Variants in GHDC observed in about 807,000 individuals in gnomAD.
The protein encoded by GHDC is GH3 domain containing, also known as GH3 domain-containing protein.
Under a neutral mutation model 51.5 loss-of-function variants are expected in GHDC, and 39 were observed. That is an observed-to-expected ratio of 0.76 (90% CI 0.59 to 0.99). The LOEUF is 0.99. Among genes scored for constraint, GHDC ranks in the 50% least tolerant of loss-of-function variants. The probability of loss-of-function intolerance (pLI) is 0.00; values close to 1 mark genes in which losing one functional copy is unlikely to be tolerated. For missense variants in GHDC, 610 were observed against 672.8 expected (o/e 0.91, Z 1.03); for synonymous variants, 282 against 305.2 (o/e 0.92, Z 0.79).
In GHDC at chr17:42,193,587, A is replaced by G; in HGVS notation, c.-6T>C. 13 of 1,532,442 alleles carry G rather than the reference A, an allele frequency of 8.5e-6. No individual in the cohort carries two copies. The highest frequency in any genetic ancestry group is 1.2e-5 in the South Asian group (1 of 83,740). The allele number at this position is 1,532,442 out of a possible 1,614,324, so 94.9% of individuals were successfully genotyped here. On this transcript the variant is annotated 5_prime_UTR_variant, in exon 3 of 10. Coordinates refer to ENST00000587427, the MANE Select transcript of GHDC (RefSeq NM_032484.5). ...AGCAGTGGCCACAGCAGCATCTCCA[A>G]GCAGCTCCTGGGAAGAGGAAGGAAC...
intron 1 of GHDC, chr17:42,194,136 G>T (rs535939271): frequency 6.7e-6 from 1 of 150,242 alleles, no homozygotes; most frequent in Non-Finnish European, 1.5e-5. Context: ...AGCCAAGATC[G>T]TGCCACTGCA....
rs952758799 is a variant in GHDC, at chr17:42,193,977, G to A, written c.-97-127C>T. ...GCAGGAGAATCACTTGAGCCCAGGA[G>A]TTTGCAACCGGCCTGAGCAACATAG... On this transcript the variant is annotated intron_variant, in intron 1 of 9. Coordinates refer to ENST00000587427, the MANE Select transcript of GHDC (RefSeq NM_032484.5). The A allele has an allele frequency of 5.4e-5, 11 of 203,452 alleles. No homozygotes were observed. The South Asian group carries it at 1.0e-3, about 19-fold the overall frequency. The allele number at this position is 203,452 out of a possible 1,614,324, so 12.6% of individuals were successfully genotyped here.
Position 42,190,165 on chromosome 17 carries a change from C to A in GHDC, c.1374+20G>T. ...AGAGTGAAGGGGTCTACAGTCAGAC[C>A]CTGTCCTCGTCTCCTTTACCTTGTC... On this transcript the variant is annotated intron_variant, in intron 9 of 9. Transcript: ENST00000587427. 1 of 1,608,020 alleles carries A rather than the reference C, an allele frequency of 6.2e-7. No individual in the cohort carries two copies. The highest frequency in any genetic ancestry group is 1.7e-5 in the Admixed American group (1 of 59,662).
In GHDC at chr17:42,194,463, A is replaced by T. The variant is rs1216651937; in HGVS notation, c.-168T>A. 8 of 152,408 alleles carry T rather than the reference A, an allele frequency of 5.2e-5. No homozygotes were observed. The highest frequency in any genetic ancestry group is 1.2e-4 in the Non-Finnish European group (8 of 68,132). The allele number at this position is 152,408 out of a possible 1,614,324, so 9.4% of individuals were successfully genotyped here. A position where few individuals can be genotyped will look rare whatever the true frequency, so the allele number is the denominator to read the frequency against. ...CCTGGGTGACTCTGGGTCTCAGCAC[A>T]CATCCGGCCAGAAAGAAGGAGCGAT... is the stretch of plus-strand genomic sequence containing the variant. On this transcript the variant is annotated 5_prime_UTR_variant, in exon 1 of 10. Transcript: ENST00000587427.
In GHDC at chr17:42,189,624, G is replaced by A; in HGVS notation, c.*79C>T. 1 of 677,354 alleles carries A rather than the reference G, an allele frequency of 1.5e-6. No homozygotes were observed. 42.0% of individuals were successfully genotyped at this position (677,354 alleles called of 1,614,324 possible). On this transcript the variant is annotated 3_prime_UTR_variant, in exon 10 of 10. Transcript: ENST00000587427. ...CACAGAGTCAGAGACCCTGGCCAAGGACTCCCCATCCGGAGAGGTCCCAGA... is the reference window on the plus strand; with the variant it reads ...CACAGAGTCAGAGACCCTGGCCAAGAACTCCCCATCCGGAGAGGTCCCAGA...
intron 5 of GHDC, among the ~76,000 whole-genome samples, chr17:42,191,923 C>G (rs2079971744): frequency 6.6e-6 from 1 of 151,940 alleles, no homozygotes; most frequent in Non-Finnish European, 1.5e-5. Flanking sequence ...CCACCATACT[C>G]CGCTAGTTTT....
chr17:42,193,817 A>G lies in GHDC; in HGVS notation c.-64T>C. 1.7e-6 allele frequency: 1 copy of G among 581,540 alleles called. No homozygotes were observed. The highest frequency in any genetic ancestry group is 2.2e-5 in the South Asian group (1 of 44,676). 36.0% of individuals were successfully genotyped at this position (581,540 alleles called of 1,614,324 possible). ...CTTGTTAGCTGTAGGGCCCTGAGCAATTTAGTGGGCTGCACTGAGCTCTGT... is the reference window on the plus strand; with the variant it reads ...CTTGTTAGCTGTAGGGCCCTGAGCAGTTTAGTGGGCTGCACTGAGCTCTGT... On this transcript the variant is annotated 5_prime_UTR_variant, in exon 2 of 10. Coordinates refer to ENST00000587427, the MANE Select transcript of GHDC (RefSeq NM_032484.5).
At position 42,192,472 on chromosome 17, in the gene GHDC, G is replaced by C; in HGVS notation, c.658C>G (p.Leu220Val). ...TTCCCGGCAGCTATCGCCCCAGCTA[G>C]CTCTTCACCATCAGTCTCCAGGCCC... Reference protein sequence around the residue: ...FLGLETDGEELAGAIAAGNPG... With the variant: ...FLGLETDGEEVAGAIAAGNPG... The change falls in exon 5 of 10, where the codon CTA (leucine) becomes GTA (valine). Residue 220 changes from leucine (L) to valine (V), a missense_variant. This residue lies in a region of GHDC where 412 missense variants were observed against 410.4 expected (regional missense o/e 1.00). Coordinates refer to ENST00000587427, the MANE Select transcript of GHDC (RefSeq NM_032484.5). 1 of 1,613,732 alleles carries C rather than the reference G, an allele frequency of 6.2e-7. No individual in the cohort carries two copies. Among genetic ancestry groups the C allele is most frequent in the Non-Finnish European group, 8.5e-7 (1 of 1,180,034 alleles).
chr17:42,191,080 C>A lies in GHDC; in HGVS notation c.1020G>T (p.Leu340Phe). The A allele has an allele frequency of 6.3e-7, 1 of 1,581,072 alleles. No homozygotes were observed. Among genetic ancestry groups the A allele is most frequent in the Non-Finnish European group, 8.6e-7 (1 of 1,165,690 alleles). The change falls in exon 6 of 10, where the codon TTG becomes TTT. Residue 340 changes from leucine (L) to phenylalanine (F), a missense_variant. Leu to Phe is a conservative substitution (Grantham distance 22). Transcript: ENST00000587427. ...TQEEAASTLL[L>F]AEAQQGKEYE... ...ACTCCTTGCCCTGCTGGGCCTCGGC[C>A]AAAAGGAGGGTGGAGGCAGCTTCCT...
Position 42,190,847 on chromosome 17 carries a change from A to T in GHDC, c.1139T>A (p.Val380Asp), listed in dbSNP as rs2079962826. Residue 380 changes from valine (V) to aspartate (D), a missense_variant, in exon 7 of 10, where the codon GTC (valine) becomes GAC (aspartate). Transcript: ENST00000587427. ...GGTCACCTACCTGCAGATGAACCTG[A>T]CGACTGGACACTGATTGTAGGCACC... ...VVGAYNQCPV[V>D]RFICRLDQTL... The T allele has an allele frequency of 3.1e-6, 5 of 1,613,038 alleles. No individual in the cohort carries two copies. The highest frequency in any genetic ancestry group is 1.3e-5 in the African/African-American group (1 of 75,012).
chr17:42,193,371 T>G lies in GHDC; in HGVS notation c.211A>C (p.Arg71=), dbSNP rs770676514. Reference sequence around the variant, plus strand: ...CGCTGGGCTCCCTGTAGACACCACCTCAGGGCCTGCTGCTGGCTCTGGTGC... The same window carrying G: ...CGCTGGGCTCCCTGTAGACACCACCGCAGGGCCTGCTGCTGGCTCTGGTGC... ...HVHQSQQQAL[R]WCLQGAQRPH... is the part of the protein sequence containing the mutation. The change falls in exon 3 of 10, where the codon AGG becomes CGG. Residue 71 remains arginine (R), a synonymous_variant. Coordinates refer to ENST00000587427, the MANE Select transcript of GHDC (RefSeq NM_032484.5). 6.2e-7 allele frequency: 1 copy of G among 1,605,542 alleles called. No homozygotes were observed. Among genetic ancestry groups the G allele is most frequent in the South Asian group, 1.1e-5 (1 of 89,124 alleles).
In GHDC at chr17:42,189,885, T is replaced by C; in HGVS notation, c.1411A>G (p.Lys471Glu). 1 of 1,553,974 alleles carries C rather than the reference T, an allele frequency of 6.4e-7. No homozygotes were observed. The highest frequency in any genetic ancestry group is 8.7e-7 in the Non-Finnish European group (1 of 1,150,038). ...ACGCTGCCCCAGAACCGCAGGGACT[T>C]GTAGCGGGGAGAGGCTTCCTGAAGG... ...HCLQEASPRYKSLRFWGSVGP... is the reference protein window; with the variant it reads ...HCLQEASPRYESLRFWGSVGP... The change falls in exon 10 of 10, where the codon AAG (lysine) becomes GAG (glutamate). Residue 471 changes from lysine to glutamate, a missense_variant. Around this residue, in one of 2 missense-constraint regions of GHDC, gnomAD observed 412 missense variants for 410.4 expected, o/e 1.00. Transcript: ENST00000587427.
rs747543747 is a variant in GHDC at position 42,193,541 on chromosome 17, G to GGCAGCAGCA, written c.32_40dup (p.Leu11_Leu13dup). 8 of 1,543,188 alleles carry GGCAGCAGCA rather than the reference G, an allele frequency of 5.2e-6. No homozygotes were observed. Among genetic ancestry groups the GGCAGCAGCA allele is most frequent in the African/African-American group, 2.7e-5 (2 of 73,148 alleles). On this transcript the variant is annotated inframe_insertion, in exon 3 of 10. Coordinates refer to ENST00000587427, the MANE Select transcript of GHDC (RefSeq NM_032484.5). ...CTGCTGCCTGAGCAGGGCCAATGTT[G>GGCAGCAGCA]GCAGCAGCAGCAGCAGCAGCAGCAG...
At chr17:42,191,980 C>A (rs1361877533) in intron 5 of GHDC, among the ~76,000 whole-genome samples, 1 of 151,676 alleles carries the variant, frequency 6.6e-6, no homozygotes, top group East Asian at 1.9e-4. Flanking sequence ...CCAGGCTGGT[C>A]TGGAACTCCT....
chr17:42,192,877 A>G (rs761097305), intron 4 of GHDC, 29 bp downstream of exon 4: 37 of 1,611,144 alleles, frequency 2.3e-5, no homozygotes, highest in Admixed American at 8.5e-5. Context: ...GGCTGTGGCC[A>G]GGACTGGGCT....
At position 42,189,672 on chromosome 17, in the gene GHDC, G is replaced by T. The variant is rs766276257; in HGVS notation, c.*31C>A. The T allele has an allele frequency of 1.2e-5, 15 of 1,242,810 alleles. 1 individual carries two copies. Among genetic ancestry groups the T allele is most frequent in the South Asian group, 8.7e-5 (5 of 57,552 alleles). 77.0% of individuals were successfully genotyped at this position (1,242,810 alleles called of 1,614,324 possible). A position where few individuals can be genotyped will look rare whatever the true frequency, so the allele number is the denominator to read the frequency against. On this transcript the variant is annotated 3_prime_UTR_variant, in exon 10 of 10. Transcript: ENST00000587427. ...AGAGGGAGGGGCGAGGTGGCCTCTG[G>T]GGGGAGCTGGGCGGTGGGGCAGGAC... is the stretch of plus-strand genomic sequence containing the variant.
In GHDC at chr17:42,189,897, A is replaced by G; in HGVS notation, c.1399T>C (p.Ser467Pro). The part of the protein sequence containing the change: ...DKLDHCLQEA[S>P]PRYKSLRFWG... ...AACCGCAGGGACTTGTAGCGGGGAG[A>G]GGCTTCCTGAAGGCAGTGGTCCAGC... Residue 467 changes from serine to proline, a missense_variant, in exon 10 of 10, where the codon TCT becomes CCT. Transcript: ENST00000587427. 6.5e-7 allele frequency: 1 copy of G among 1,543,806 alleles called. No homozygotes were observed. The highest frequency in any genetic ancestry group is 8.7e-7 in the Non-Finnish European group (1 of 1,144,696).
chr17:42,192,766 T>G (rs1281121152), intron 4 of GHDC, 24 bp from the exon 5 acceptor site: 1 of 1,531,830 alleles, frequency 6.5e-7, no homozygotes, highest in South Asian at 1.3e-5. Context: ...GAGAGAATGT[T>G]GGTCTGGTGT....
Position 42,193,465 on chromosome 17 carries a change from C to T in GHDC, c.117G>A (p.Val39=), listed in dbSNP as rs1467488170. 1.3e-6 allele frequency: 2 copies of T among 1,556,416 alleles called. No homozygotes were observed. The highest frequency in any genetic ancestry group is 1.7e-6 in the Non-Finnish European group (2 of 1,150,134). The part of the protein sequence containing the change: ...LSWLAGLQHR[V]AWGALVWAAT... ...CTGCCCAGACCAGGGCCCCCCATGC[C>T]ACTCGGTGCTGGAGGCCAGCAAGCC... The change falls in exon 3 of 10, where the codon GTG becomes GTA. Residue 39 remains valine, a synonymous_variant. Coordinates refer to ENST00000587427, the MANE Select transcript of GHDC (RefSeq NM_032484.5).
Sources: gnomAD v4.1 joint callset for allele counts (sites outside exome capture counted in the v4.1 genomes callset) on GRCh38, gnomAD v4.1.1 for gene constraint, gnomAD v4.1.1 regional missense constraint, MANE v1.5 for transcripts, NCBI Gene and HGNC (gene_info 2026-07-23, HGNC 2026-07-21) for gene names.